Variants in CCSER1 observed in about 807,000 individuals in gnomAD.
The protein encoded by CCSER1 is serine-rich coiled-coil domain-containing protein 1.
Under a neutral mutation model 82.0 loss-of-function variants are expected in CCSER1, and 41 were observed. The ratio of observed to expected loss-of-function variants is 0.50; its 90% CI spans 0.39 to 0.65. CCSER1 has a LOEUF of 0.65. CCSER1 is among the 30% of genes least tolerant of loss of function. The pLI, the probability that CCSER1 is intolerant of heterozygous loss-of-function variation, is 0.00. For synonymous variants in CCSER1, 414 were observed against 383.9 expected (o/e 1.08, Z -0.92); for missense variants, 1,119 against 1,064.2 (o/e 1.05, Z -0.72).
chr4:90,844,341 T>C (rs572525341), intron 8 of CCSER1, among the ~76,000 whole-genome samples: 38 of 152,260 alleles, frequency 2.5e-4, no homozygotes, highest in African/African-American at 8.9e-4. Flanking sequence ...GCCTAAGGCA[T>C]TGATTCACAT....
chr4:91,371,317 C>G (rs1750030497), intron 10 of CCSER1, among the ~76,000 whole-genome samples: 1 of 151,758 alleles, frequency 6.6e-6, no homozygotes, highest in Non-Finnish European at 1.5e-5. Flanking sequence ...ACTCCCAACA[C>G]TACCTTTCTC....
intron 4 of CCSER1, among the ~76,000 whole-genome samples, chr4:90,408,322 G>A (rs113243850): frequency 1.3e-5 from 2 of 152,212 alleles, no homozygotes; most frequent in Non-Finnish European, 2.9e-5. Context: ...TCTGAGAATG[G>A]GCAGACTGCC....
intron 10 of CCSER1, among the ~76,000 whole-genome samples, chr4:91,361,010 A>G (rs1384283607): frequency 6.6e-6 from 1 of 151,904 alleles, no homozygotes; most frequent in Admixed American, 6.6e-5. Context: ...TTCAGCTTTC[A>G]TAAGATGGTA....
At chr4:91,106,314 T>C (rs1220127073) in intron 10 of CCSER1, among the ~76,000 whole-genome samples, 1 of 152,166 alleles carries the variant, frequency 6.6e-6, no homozygotes, top group Non-Finnish European at 1.5e-5. Context: ...TTTCCCGAAG[T>C]CATAGTTAGT....
At chr4:90,144,522 A>G (rs141035781) in intron 1 of CCSER1, among the ~76,000 whole-genome samples, 1,818 of 152,294 alleles carry the variant, frequency 0.012, 35 homozygotes, top group African/African-American at 0.041. Context: ...AATTTACTCA[A>G]TGCACACAGT....
chr4:91,518,706 CTT>C (rs1191387206), intron 10 of CCSER1, among the ~76,000 whole-genome samples: 4 of 152,152 alleles, frequency 2.6e-5, no homozygotes, highest in Non-Finnish European at 5.9e-5. Context: ...ACCTCAGACT[CTT>C]TGTTATTTCC....
At chr4:91,445,044 G>A (rs991548084) in intron 10 of CCSER1, among the ~76,000 whole-genome samples, 1 of 152,146 alleles carries the variant, frequency 6.6e-6, no homozygotes, top group Non-Finnish European at 1.5e-5. Context: ...CTGTAAAGAT[G>A]TTCCTGAAAA....
intron 4 of CCSER1, among the ~76,000 whole-genome samples, chr4:90,410,294 G>A (rs545539784): frequency 1.1e-3 from 163 of 152,222 alleles, no homozygotes; most frequent in African/African-American, 3.8e-3. Context: ...ATAGTCATCT[G>A]CAGAACTCTC....
chr4:91,604,682 C>CTT lies in CCSER1; in HGVS notation c.*5626_*5627dup, dbSNP rs1764905952. 1 of 151,854 alleles carries CTT rather than the reference C, an allele frequency of 6.6e-6. No homozygotes were observed. Among genetic ancestry groups the CTT allele is most frequent in the South Asian group, 2.1e-4 (1 of 4,828 alleles). The allele number at this position is 151,854 out of a possible 1,614,324, so 9.4% of individuals were successfully genotyped here. The stretch of plus-strand genomic sequence containing the variant: ...TCCTGTTTGTATTGCCTTATACATA[C>CTT]TTAAAAAACAAGATATTTACAAAAA... On this transcript the variant is annotated 3_prime_UTR_variant, in exon 11 of 11. Coordinates refer to ENST00000509176, the MANE Select transcript of CCSER1 (RefSeq NM_001145065.2).
chr4:90,574,360 C>G (rs1371850746), intron 5 of CCSER1, among the ~76,000 whole-genome samples: 1 of 147,348 alleles, frequency 6.8e-6, no homozygotes, highest in Non-Finnish European at 1.5e-5. Flanking sequence ...GCTCCGCTTC[C>G]CGGGTTCACG....
At chr4:90,966,561 T>G (rs1734580888) in intron 9 of CCSER1, among the ~76,000 whole-genome samples, 1 of 152,148 alleles carries the variant, frequency 6.6e-6, no homozygotes. Context: ...GCGAATTCAT[T>G]GCTAGGAAAC....
chr4:90,769,045 C>G (rs1397984839), intron 7 of CCSER1, among the ~76,000 whole-genome samples: 1 of 152,110 alleles, frequency 6.6e-6, no homozygotes, highest in Non-Finnish European at 1.5e-5. Context: ...AATCTTTTGT[C>G]AAGACCTCAG....
chr4:91,577,126 T>C (rs1276658617), intron 10 of CCSER1, among the ~76,000 whole-genome samples: 1 of 152,064 alleles, frequency 6.6e-6, no homozygotes, highest in Admixed American at 6.6e-5. Flanking sequence ...AAATGATCTA[T>C]AGAAACCTGA....
At chr4:91,376,122 CA>C (rs1416529858) in intron 10 of CCSER1, among the ~76,000 whole-genome samples, 1 of 151,810 alleles carries the variant, frequency 6.6e-6, no homozygotes, top group African/African-American at 2.4e-5. Context: ...AAATAAAACA[CA>C]AAAATTCCGA....
At chr4:90,551,557 G>A (rs980841438) in intron 5 of CCSER1, among the ~76,000 whole-genome samples, 1 of 151,544 alleles carries the variant, frequency 6.6e-6, no homozygotes, top group Admixed American at 6.6e-5. Context: ...ACTTTCTCTG[G>A]AGAGGCTTAT....
At chr4:90,854,547 C>A (rs990184765) in intron 8 of CCSER1, among the ~76,000 whole-genome samples, 1 of 152,090 alleles carries the variant, frequency 6.6e-6, no homozygotes, top group Non-Finnish European at 1.5e-5. Flanking sequence ...CAAATTGTTT[C>A]GGCTAAGACA....
At chr4:91,246,536 G>T (rs942328325) in intron 10 of CCSER1, among the ~76,000 whole-genome samples, 1 of 152,082 alleles carries the variant, frequency 6.6e-6, no homozygotes, top group Non-Finnish European at 1.5e-5. Flanking sequence ...CCAATGCTGG[G>T]TATATACCCA....
At chr4:91,237,180 T>C (rs1739076120) in intron 10 of CCSER1, among the ~76,000 whole-genome samples, 1 of 152,012 alleles carries the variant, frequency 6.6e-6, no homozygotes, top group East Asian at 1.9e-4. Context: ...CCATTCTTTC[T>C]TTCCTGACTA....
chr4:90,615,147 GA>G (rs201501171), intron 5 of CCSER1, among the ~76,000 whole-genome samples: 1 of 149,530 alleles, frequency 6.7e-6, no homozygotes, highest in Non-Finnish European at 1.5e-5. Context: ...CTACTGCTCA[GA>G]AAAAAACAAG....
Sources: gnomAD v4.1 joint callset for allele counts (sites outside exome capture counted in the v4.1 genomes callset) on GRCh38, gnomAD v4.1.1 for gene constraint, MANE v1.5 for transcripts, NCBI Gene and HGNC (gene_info 2026-07-23, HGNC 2026-07-21) for gene names.